CENPW: variants seen among roughly 807,000 people sequenced by gnomAD.
CENPW encodes cancer-up-regulated gene 2 protein.
Under a neutral mutation model 11.1 loss-of-function variants are expected in CENPW, and 3 were observed. The ratio of observed to expected loss-of-function variants is 0.27; its 90% CI spans 0.12 to 0.70. The LOEUF is 0.70. CENPW is among the 30% of genes least tolerant of loss of function. The pLI, the probability that CENPW is intolerant of heterozygous loss-of-function variation, is 0.77. For synonymous variants in CENPW, 38 were observed against 42.0 expected (o/e 0.91, Z 0.37); for missense variants, 100 against 105.6 (o/e 0.95, Z 0.23).
At chr6:126,380,133 C>T in the CENPW span, among the ~76,000 whole-genome samples, 1 of 152,164 alleles carries the variant, frequency 6.6e-6, no homozygotes, top group Non-Finnish European at 1.5e-5. Context: ...GGAACAGAGA[C>T]TGGAAGTTGA....
At chr6:126,415,626 G>A in the CENPW span, among the ~76,000 whole-genome samples, 1 of 152,132 alleles carries the variant, frequency 6.6e-6, no homozygotes, top group Non-Finnish European at 1.5e-5. Flanking sequence ...GGGACCTGGT[G>A]GGAAGTAATT....
chr6:126,350,794 A>G (rs1410190175), downstream of CENPW, among the ~76,000 whole-genome samples: 1 of 152,158 alleles, frequency 6.6e-6, no homozygotes, highest in Non-Finnish European at 1.5e-5. Context: ...ATGTGAAAAA[A>G]TTTAAATCTT....
Position 126,346,266 on chromosome 6 carries a change from G to T in CENPW, c.188G>T (p.Cys63Phe), listed in dbSNP as rs746698752. ...RLAEESRTNA[C>F]ASKCRVINKE... ...GCAGAAGAGTCCAGGACAAACGCTT[G>T]TGCGAGTAAATGTAGAGTCATTAAC... The change falls in exon 2 of 3, where the codon TGT becomes TTT. Residue 63 changes from cysteine to phenylalanine, a missense_variant. Physicochemically the swap from Cys to Phe is radical, Grantham distance 205. Coordinates refer to ENST00000368328, the MANE Select transcript of CENPW (RefSeq NM_001012507.4). 3.2e-5 allele frequency: 51 copies of T among 1,609,104 alleles called. No homozygotes were observed. Among genetic ancestry groups the T allele is most frequent in the Non-Finnish European group, 3.6e-5 (42 of 1,176,264 alleles).
the CENPW span, among the ~76,000 whole-genome samples, chr6:126,440,055 AT>A: frequency 6.6e-6 from 1 of 151,776 alleles, no homozygotes; most frequent in Non-Finnish European, 1.5e-5. Context: ...GAGCAGATGC[AT>A]TTATTAACAC....
At chr6:126,478,543 A>G in the CENPW span, among the ~76,000 whole-genome samples, 11 of 151,988 alleles carry the variant, frequency 7.2e-5, no homozygotes, top group Non-Finnish European at 1.0e-4. Context: ...CTCTGGACAG[A>G]GTATTTGTCC....
the CENPW span, among the ~76,000 whole-genome samples, chr6:126,380,194 T>G: frequency 4.6e-5 from 7 of 152,312 alleles, no homozygotes; most frequent in Non-Finnish European, 2.9e-5. Flanking sequence ...AAGCTGAAGC[T>G]GGAATAAGGC....
chr6:126,482,113 A>G, the CENPW span, among the ~76,000 whole-genome samples: 185 of 152,110 alleles, frequency 1.2e-3, no homozygotes, highest in African/African-American at 4.3e-3. Flanking sequence ...TGTGGTAGAG[A>G]ATTTTTATTT....
chr6:126,368,824 T>G, the CENPW span, among the ~76,000 whole-genome samples: 1 of 152,090 alleles, frequency 6.6e-6, no homozygotes, highest in Admixed American at 6.6e-5. Flanking sequence ...TTTTGTGTTT[T>G]TTGGTAGAGA....
At chr6:126,392,355 T>C in the CENPW span, among the ~76,000 whole-genome samples, 1 of 151,788 alleles carries the variant, frequency 6.6e-6, no homozygotes. Flanking sequence ...GATTTTTATA[T>C]GTTGATTTGG....
chr6:126,425,802 A>G, the CENPW span, among the ~76,000 whole-genome samples: 1 of 146,320 alleles, frequency 6.8e-6, no homozygotes, highest in African/African-American at 2.5e-5. Context: ...GCTAGCTGTG[A>G]AAAAAAAAAA....
the CENPW span, among the ~76,000 whole-genome samples, chr6:126,456,655 T>C: frequency 6.6e-6 from 1 of 151,624 alleles, no homozygotes; most frequent in Non-Finnish European, 1.5e-5. Flanking sequence ...AAAGATTTCA[T>C]GATGAAGACA....
At chr6:126,459,556 G>A in the CENPW span, among the ~76,000 whole-genome samples, 1 of 151,516 alleles carries the variant, frequency 6.6e-6, no homozygotes, top group Non-Finnish European at 1.5e-5. Context: ...TTTGTGAATT[G>A]AGTCATCAAA....
At chr6:126,351,999 T>C (rs1780496889), downstream of CENPW, among the ~76,000 whole-genome samples, 1 of 152,118 alleles carries the variant, frequency 6.6e-6, no homozygotes, top group Non-Finnish European at 1.5e-5. Context: ...AAATAAAGAT[T>C]GCTCATGGGG....
the CENPW span, among the ~76,000 whole-genome samples, chr6:126,465,192 A>G: frequency 6.6e-6 from 1 of 152,128 alleles, no homozygotes; most frequent in East Asian, 1.9e-4. Context: ...AATCAATGGT[A>G]TTCCTACAAA....
the CENPW span, among the ~76,000 whole-genome samples, chr6:126,371,228 C>T: frequency 6.6e-6 from 1 of 152,136 alleles, no homozygotes; most frequent in Non-Finnish European, 1.5e-5. Context: ...GTGGGTTTGT[C>T]ATAGATAGCT....
the CENPW span, among the ~76,000 whole-genome samples, chr6:126,477,085 C>T: frequency 6.6e-6 from 1 of 151,884 alleles, no homozygotes; most frequent in Non-Finnish European, 1.5e-5. Flanking sequence ...GAGGATAACA[C>T]CATATTGGGA....
the CENPW span, among the ~76,000 whole-genome samples, chr6:126,465,498 T>G: frequency 6.6e-6 from 1 of 152,048 alleles, no homozygotes; most frequent in East Asian, 1.9e-4. Context: ...CAAGCTGGCA[T>G]TTTTTCGTGT....
At chr6:126,380,014 A>G in the CENPW span, among the ~76,000 whole-genome samples, 1 of 152,224 alleles carries the variant, frequency 6.6e-6, no homozygotes, top group Non-Finnish European at 1.5e-5. Context: ...CTTCATTACC[A>G]GTTCCAAATT....
At chr6:126,454,281 T>G in the CENPW span, among the ~76,000 whole-genome samples, 2 of 151,286 alleles carry the variant, frequency 1.3e-5, no homozygotes, top group Admixed American at 1.3e-4. Flanking sequence ...TCTTCTCATG[T>G]GCACATGGCA....
Sources: gnomAD v4.1 joint callset for allele counts (sites outside exome capture counted in the v4.1 genomes callset) on GRCh38, gnomAD v4.1.1 for gene constraint, MANE v1.5 for transcripts, NCBI Gene and HGNC (gene_info 2026-07-23, HGNC 2026-07-21) for gene names.